Variants in TXNDC16 observed in about 807,000 individuals in gnomAD.
TXNDC16 encodes the protein thioredoxin domain containing 16.
TXNDC16 carries 74 observed loss-of-function variants against 85.6 expected under a neutral mutation model. The observed-to-expected ratio is 0.86, with a 90% CI of 0.72 to 1.05. The LOEUF is 1.05. Ranked by LOEUF, TXNDC16 falls within the 50% of genes least tolerant of loss-of-function variation. The probability of loss-of-function intolerance (pLI) is 0.00; values close to 1 mark genes in which losing one functional copy is unlikely to be tolerated. For synonymous variants in TXNDC16, 335 were observed against 326.5 expected (o/e 1.03, Z -0.28); for missense variants, 959 against 947.0 (o/e 1.01, Z -0.17).
chr14:52,536,679 G>A, intron 6 of TXNDC16, 40 bp downstream of exon 6: 2 of 1,483,160 alleles, frequency 1.3e-6, no homozygotes, highest in Non-Finnish European at 1.8e-6. Flanking sequence ...CAACAGATAA[G>A]TAACAAGTAA....
intron 16 of TXNDC16, among the ~76,000 whole-genome samples, chr14:52,463,745 A>G (rs1443772585): frequency 6.6e-6 from 1 of 152,232 alleles, no homozygotes; most frequent in Non-Finnish European, 1.5e-5. Flanking sequence ...AACTTAAAAT[A>G]TATACGGAGG....
intron 16 of TXNDC16, among the ~76,000 whole-genome samples, chr14:52,458,173 C>G (rs2035575742): frequency 6.6e-6 from 1 of 152,158 alleles, no homozygotes; most frequent in Admixed American, 6.5e-5. Flanking sequence ...TACATACTTT[C>G]CCTAAGATTG....
At chr14:52,463,000 G>T in intron 16 of TXNDC16, 1 of 455,580 alleles carries the variant, frequency 2.2e-6, no homozygotes, top group South Asian at 1.6e-5. Flanking sequence ...AAACAAAGGG[G>T]ATAGAACACA....
At chr14:52,468,465 A>G (rs1300104068) in intron 16 of TXNDC16, among the ~76,000 whole-genome samples, 3 of 152,234 alleles carry the variant, frequency 2.0e-5, no homozygotes, top group African/African-American at 7.2e-5. Flanking sequence ...CATTAAACAA[A>G]GCTAAAGAGC....
At chr14:52,471,520 G>A (rs1269163521) in intron 14 of TXNDC16, among the ~76,000 whole-genome samples, 1 of 152,086 alleles carries the variant, frequency 6.6e-6, no homozygotes, top group African/African-American at 2.4e-5. Context: ...ATCTACATCA[G>A]GTTCCCTTGA....
intron 6 of TXNDC16, among the ~76,000 whole-genome samples, chr14:52,530,856 T>C (rs2037558651): frequency 6.6e-6 from 1 of 151,262 alleles, no homozygotes; most frequent in Non-Finnish European, 1.5e-5. Context: ...GCATATATTT[T>C]TAAAAAGCAT....
chr14:52,443,806 G>T (rs2035218598), intron 18 of TXNDC16, among the ~76,000 whole-genome samples: 1 of 152,064 alleles, frequency 6.6e-6, no homozygotes, highest in Non-Finnish European at 1.5e-5. Flanking sequence ...GTGAAAAGAA[G>T]GACCAGTGGA....
At chr14:52,503,018 C>T (rs745996248) in intron 9 of TXNDC16, among the ~76,000 whole-genome samples, 5 of 152,144 alleles carry the variant, frequency 3.3e-5, no homozygotes, top group Non-Finnish European at 7.3e-5. Context: ...AAGGTGGCAG[C>T]GAGGCTTGAG....
intron 1 of TXNDC16, among the ~76,000 whole-genome samples, chr14:52,548,133 G>A (rs776254669): frequency 6.6e-6 from 1 of 152,212 alleles, no homozygotes; most frequent in Non-Finnish European, 1.5e-5. Context: ...CACCATAGGG[G>A]AAAGCTCCCA....
In TXNDC16 at chr14:52,490,999, C is replaced by T. The variant is rs1029843743; in HGVS notation, c.763G>A (p.Val255Ile). The change falls in exon 10 of 21, where the codon GTT (valine) becomes ATT (isoleucine). Residue 255 changes from valine (V) to isoleucine (I), a missense_variant. Val to Ile is a conservative substitution (Grantham distance 29). Coordinates refer to ENST00000281741, the MANE Select transcript of TXNDC16 (RefSeq NM_020784.3). ...GAAACTTGTTGAGGATCTTCAGCAA[C>T]TTCAGTCTTCATTGAAAAAAAAAAA... ...KTMKAPLLTEVAEDPQQVSTV... is the reference protein window; with the variant it reads ...KTMKAPLLTEIAEDPQQVSTV... 2.4e-6 allele frequency: 3 copies of T among 1,254,208 alleles called. No homozygotes were observed. The highest frequency in any genetic ancestry group is 4.2e-4 in the Middle Eastern group (2 of 4,708). 77.7% of individuals were successfully genotyped at this position (1,254,208 alleles called of 1,614,324 possible).
chr14:52,504,294 G>A (rs2036736821), intron 9 of TXNDC16, among the ~76,000 whole-genome samples: 2 of 152,134 alleles, frequency 1.3e-5, no homozygotes, highest in Non-Finnish European at 2.9e-5. Context: ...TGAAATGAAG[G>A]AAAAAATGTT....
chr14:52,470,132 T>G lies in TXNDC16; in HGVS notation c.1523A>C (p.Glu508Ala), dbSNP rs756496107. 6.2e-7 allele frequency: 1 copy of G among 1,611,234 alleles called. No homozygotes were observed. The highest frequency in any genetic ancestry group is 8.5e-7 in the Non-Finnish European group (1 of 1,178,322). Residue 508 changes from glutamate (E) to alanine (A), a missense_variant, in exon 16 of 21, where the codon GAA (glutamate) becomes GCA (alanine). Transcript: ENST00000281741. ...TTCCCCACTTAAATATTCTTCTGCT[T>G]CTTGGATCGATGTTATATTCACTGG... Reference protein sequence around the residue: ...SYPVNITSIQEAEEYLSGELY... With the variant: ...SYPVNITSIQAAEEYLSGELY...
intron 20 of TXNDC16, among the ~76,000 whole-genome samples, chr14:52,437,078 A>G (rs538719648): frequency 1.3e-5 from 2 of 152,026 alleles, no homozygotes; most frequent in Non-Finnish European, 2.9e-5. Context: ...ACTATGTATA[A>G]ATGGTTAAGA....
chr14:52,549,782 C>T (rs1277936537), intron 1 of TXNDC16, among the ~76,000 whole-genome samples: 11 of 152,140 alleles, frequency 7.2e-5, no homozygotes, highest in African/African-American at 2.7e-4. Context: ...GGACTACAGG[C>T]GCCCGCCACC....
chr14:52,455,035 C>G (rs993826301), intron 18 of TXNDC16, among the ~76,000 whole-genome samples: 7 of 152,176 alleles, frequency 4.6e-5, no homozygotes, highest in African/African-American at 1.4e-4. Flanking sequence ...GCTGGGCAGG[C>G]TGACCTTCCA....
At chr14:52,545,022 GA>G (rs1355244428) in intron 1 of TXNDC16, among the ~76,000 whole-genome samples, 1 of 152,046 alleles carries the variant, frequency 6.6e-6, no homozygotes, top group Admixed American at 6.6e-5. Flanking sequence ...ATATTCTGGA[GA>G]AAATGCATGC....
intron 8 of TXNDC16, 53 bp from the exon 9 acceptor site, chr14:52,511,443 C>A: frequency 1.7e-6 from 2 of 1,205,480 alleles, no homozygotes; most frequent in South Asian, 1.9e-5. Flanking sequence ...GATCCTTCTA[C>A]CATCCAATAA....
At chr14:52,510,584 T>C (rs1278459717) in intron 9 of TXNDC16, among the ~76,000 whole-genome samples, 1 of 152,222 alleles carries the variant, frequency 6.6e-6, no homozygotes, top group African/African-American at 2.4e-5. Context: ...ATTAAGTGAC[T>C]TCTTAAAACT....
chr14:52,488,562 G>C, intron 11 of TXNDC16, 76 bp from the exon 12 acceptor site: 1 of 1,255,624 alleles, frequency 8.0e-7, no homozygotes, highest in Admixed American at 2.2e-5. Context: ...TGGGCCAGGT[G>C]TGGTGGCTCA....
Sources: allele counts gnomAD v4.1 joint callset (sites outside exome capture counted in the v4.1 genomes callset), GRCh38; gene constraint gnomAD v4.1.1; transcripts MANE v1.5; gene names NCBI Gene and HGNC (gene_info 2026-07-23, HGNC 2026-07-21).